DLG2: variants seen among roughly 807,000 people sequenced by gnomAD.
DLG2 encodes disks large homolog 2.
In DLG2, 45 loss-of-function variants were observed where a neutral mutation model predicts 132.5. That is an observed-to-expected ratio of 0.34 (90% CI 0.27 to 0.44). DLG2 has a LOEUF of 0.44. Among genes scored for constraint, DLG2 ranks in the 20% least tolerant of loss-of-function variants. The probability of loss-of-function intolerance (pLI) is 1.00; values close to 1 mark genes in which losing one functional copy is unlikely to be tolerated. For missense variants in DLG2, 1,045 were observed against 1,196.9 expected, an observed-to-expected ratio of 0.87 and a Z score of 1.87; for synonymous variants, 424 against 419.6, an observed-to-expected ratio of 1.01 and a Z score of -0.13.
At chr11:84,719,791 C>T (rs2061592956) in intron 6 of DLG2, among the ~76,000 whole-genome samples, 1 of 152,086 alleles carries the variant, frequency 6.6e-6, no homozygotes, top group Admixed American at 6.5e-5. Flanking sequence ...CAACTGGGGG[C>T]AACCTGAGCC....
At chr11:83,884,259 C>T (rs902945340) in intron 15 of DLG2, among the ~76,000 whole-genome samples, 15 of 152,188 alleles carry the variant, frequency 9.9e-5, no homozygotes, top group African/African-American at 1.7e-4. Context: ...GCTTTTCCGA[C>T]GGGCTTAAAA....
At chr11:85,002,553 G>A (rs1339594761) in intron 6 of DLG2, among the ~76,000 whole-genome samples, 1 of 152,020 alleles carries the variant, frequency 6.6e-6, no homozygotes. Context: ...TAAAAGTACT[G>A]GTAGAACCAT....
intron 8 of DLG2, among the ~76,000 whole-genome samples, chr11:84,164,003 A>G (rs1176945238): frequency 6.6e-6 from 1 of 152,166 alleles, no homozygotes; most frequent in Non-Finnish European, 1.5e-5. Context: ...TAGTGGCTCA[A>G]GCTCAGGTAA....
chr11:84,007,525 T>G (rs1193112487), intron 11 of DLG2, among the ~76,000 whole-genome samples: 1 of 151,778 alleles, frequency 6.6e-6, no homozygotes, highest in Non-Finnish European at 1.5e-5. Flanking sequence ...TTATTTAATC[T>G]TATACTTTTG....
intron 14 of DLG2, among the ~76,000 whole-genome samples, chr11:83,952,885 A>G (rs1177132965): frequency 6.6e-6 from 1 of 152,138 alleles, no homozygotes; most frequent in East Asian, 1.9e-4. Context: ...TTATAATCAG[A>G]GAAAATGAAA....
chr11:85,222,348 C>T (rs2074703385), intron 4 of DLG2, among the ~76,000 whole-genome samples: 2 of 152,124 alleles, frequency 1.3e-5, no homozygotes, highest in Admixed American at 1.3e-4. Context: ...TTTATTCATT[C>T]ATTCATTCAA....
chr11:83,724,663 T>C (rs540450136), intron 18 of DLG2, among the ~76,000 whole-genome samples: 2 of 152,074 alleles, frequency 1.3e-5, no homozygotes, highest in African/African-American at 4.8e-5. Context: ...AGAACACAGA[T>C]AGCAACAGAC....
At chr11:83,472,250 C>A (rs544577429) in intron 23 of DLG2, among the ~76,000 whole-genome samples, 1 of 152,278 alleles carries the variant, frequency 6.6e-6, no homozygotes, top group Non-Finnish European at 1.5e-5. Flanking sequence ...TACAAGTCCC[C>A]ATCTGATGCT....
intron 11 of DLG2, among the ~76,000 whole-genome samples, chr11:84,056,164 A>G (rs1945812): frequency 0.86 from 131,259 of 151,838 alleles, 57,041 homozygotes; most frequent in Middle Eastern, 0.93. Context: ...CTATCAACCC[A>G]TCATCTAGGT....
At chr11:83,920,276 A>G (rs4564364) in intron 15 of DLG2, among the ~76,000 whole-genome samples, 27,684 of 152,152 alleles carry the variant, frequency 0.18, 2,754 homozygotes, top group Middle Eastern at 0.23. Flanking sequence ...CCTCTTCAAG[A>G]GATCCTTTAA....
rs533076369 is a variant in DLG2, at chr11:85,459,151, G to A, written c.40+139506C>T. ...TGTGGTTAAAGCACTCAGGGTCTTC[G>A]CTGCTTCTCCAATTCAAGGACAGCA... is the stretch of plus-strand genomic sequence containing the variant. On this transcript the variant is annotated intron_variant, in intron 3 of 27. Coordinates refer to ENST00000376104, the MANE Select transcript of DLG2 (RefSeq NM_001142699.3). 2.0e-5 allele frequency among the ~76,000 whole-genome samples: 3 copies of A among 152,254 alleles called. 1 individual carries two copies. The South Asian group carries it at 6.2e-4, about 32-fold the overall frequency.
chr11:85,377,954 T>C (rs1310678550), intron 3 of DLG2, among the ~76,000 whole-genome samples: 2 of 151,444 alleles, frequency 1.3e-5, no homozygotes, highest in African/African-American at 4.9e-5. Flanking sequence ...ATAAGGAGAT[T>C]TGTACAGAAA....
At chr11:84,905,402 G>C (rs1278663851) in intron 6 of DLG2, among the ~76,000 whole-genome samples, 1 of 152,024 alleles carries the variant, frequency 6.6e-6, no homozygotes, top group Non-Finnish European at 1.5e-5. Flanking sequence ...GCCCCCAATA[G>C]ACTCTATGAC....
intron 15 of DLG2, among the ~76,000 whole-genome samples, chr11:83,892,072 C>A (rs2070077958): frequency 6.6e-6 from 1 of 152,150 alleles, no homozygotes; most frequent in Non-Finnish European, 1.5e-5. Context: ...CTCTGCCCTA[C>A]TATTTATACT....
At chr11:85,339,623 T>C (rs889875481) in intron 3 of DLG2, among the ~76,000 whole-genome samples, 4 of 152,252 alleles carry the variant, frequency 2.6e-5, no homozygotes, top group Non-Finnish European at 5.9e-5. Context: ...CATATATTTC[T>C]GTGCCACTTT....
intron 7 of DLG2, among the ~76,000 whole-genome samples, chr11:84,521,612 T>C (rs1368864729): frequency 6.6e-6 from 1 of 152,196 alleles, no homozygotes; most frequent in Non-Finnish European, 1.5e-5. Context: ...GCCTCTTGCC[T>C]GGGTCTGTGC....
At chr11:85,553,091 A>C (rs537466849) in intron 3 of DLG2, among the ~76,000 whole-genome samples, 34 of 149,720 alleles carry the variant, frequency 2.3e-4, no homozygotes, top group African/African-American at 8.4e-4. Flanking sequence ...ATTTATTCAC[A>C]AATATTTATT....
rs536769589 is a variant in DLG2, at chr11:83,550,069, A to T, written c.1941-8211T>A. 9.2e-5 allele frequency among the ~76,000 whole-genome samples: 14 copies of T among 152,326 alleles called. No homozygotes were observed. The East Asian group carries it at 2.7e-3, about 29-fold the overall frequency. On this transcript the variant is annotated intron_variant, in intron 19 of 27. Coordinates refer to ENST00000376104, the MANE Select transcript of DLG2 (RefSeq NM_001142699.3). The stretch of plus-strand genomic sequence containing the variant: ...GGTTATACCACTTAATCAACCTTAT[A>T]AAGCAGATTGGTATTATTTAAAGAT...
At chr11:83,613,351 A>G (rs1233332408) in intron 19 of DLG2, among the ~76,000 whole-genome samples, 3 of 152,142 alleles carry the variant, frequency 2.0e-5, no homozygotes, top group Non-Finnish European at 4.4e-5. Flanking sequence ...AACTATTAAT[A>G]TGTTCTTTGG....
Sources: allele counts gnomAD v4.1 joint callset (sites outside exome capture counted in the v4.1 genomes callset), GRCh38; gene constraint gnomAD v4.1.1; transcripts MANE v1.5; gene names NCBI Gene and HGNC (gene_info 2026-07-23, HGNC 2026-07-21).